Variants in SPTAN1 observed in about 807,000 individuals in gnomAD.
SPTAN1 encodes the protein spectrin alpha, non-erythrocytic 1, also known as spectrin alpha chain, non-erythrocytic 1.
In SPTAN1, 61 loss-of-function variants were observed where a neutral mutation model predicts 331.3. That is an observed-to-expected ratio of 0.18 (90% CI 0.15 to 0.23). The LOEUF (loss-of-function observed/expected upper bound fraction) is 0.23. Among genes scored for constraint, SPTAN1 ranks in the 10% least tolerant of loss-of-function variants. SPTAN1 has a pLI of 1.00. For synonymous variants in SPTAN1, 1,153 were observed against 1,173.9 expected (o/e 0.98, Z 0.36); for missense variants, 2,043 against 3,147.9 (o/e 0.65, Z 8.40).
Position 128,627,324 on chromosome 9 carries a change from G to A in SPTAN1, c.6577-62G>A. 1 of 1,441,804 alleles carries A rather than the reference G, an allele frequency of 6.9e-7. No homozygotes were observed. The highest frequency in any genetic ancestry group is 9.5e-7 in the Non-Finnish European group (1 of 1,049,022). The allele number at this position is 1,441,804 out of a possible 1,614,324, so 89.3% of individuals were successfully genotyped here. A position where few individuals can be genotyped will look rare whatever the true frequency, so the allele number is the denominator to read the frequency against. On this transcript the variant is annotated intron_variant, in intron 49 of 56. Coordinates refer to ENST00000372739, the MANE Select transcript of SPTAN1 (RefSeq NM_001130438.3). The surrounding 1 kb of genome is among the most constrained non-coding windows in gnomAD (Gnocchi z 4.9). The stretch of plus-strand genomic sequence containing the variant: ...CCACCACCACCCTGAGCCCATCTGT[G>A]AAGGAGGGGCTGGTGTCACTGCCAC...
At chr9:128,555,444 C>T (rs1378867295) in intron 1 of SPTAN1, 1 of 1,283,942 alleles carries the variant, frequency 7.8e-7, no homozygotes. Context: ...TTTGGTTTTG[C>T]CTGGCTTGCA....
In SPTAN1 at chr9:128,633,559, A is replaced by ACTT; in HGVS notation, c.*227_*229dup. The ACTT allele has an allele frequency of 9.4e-7, 1 of 1,061,832 alleles. No homozygotes were observed. The highest frequency in any genetic ancestry group is 1.5e-5 in the South Asian group (1 of 68,172). 65.8% of individuals were successfully genotyped at this position (1,061,832 alleles called of 1,614,324 possible). A position where few individuals can be genotyped will look rare whatever the true frequency, so the allele number is the denominator to read the frequency against. On this transcript the variant is annotated 3_prime_UTR_variant, in exon 57 of 57. Coordinates refer to ENST00000372739, the MANE Select transcript of SPTAN1 (RefSeq NM_001130438.3). ...TCTTGAAGCAGCTGCCCTCATTCCG[A>ACTT]CTTCAGAAAATCGAAGCAGCTGGCT...
At position 128,624,896 on chromosome 9, in the gene SPTAN1, G is replaced by A. The variant is rs1858503190; in HGVS notation, c.5993-207G>A. 10 of 636,274 alleles carry A rather than the reference G, an allele frequency of 1.6e-5. No homozygotes were observed. The East Asian group carries it at 2.8e-4, about 18-fold the overall frequency. The allele number at this position is 636,274 out of a possible 1,614,324, so 39.4% of individuals were successfully genotyped here. A position where few individuals can be genotyped will look rare whatever the true frequency, so the allele number is the denominator to read the frequency against. ...AGTAGTAATAGCAACTGAACTAGAA[G>A]ACGGGCTGCAGGGAGCTCGTCATGG... is the stretch of plus-strand genomic sequence containing the variant. On this transcript the variant is annotated intron_variant, in intron 46 of 56. Transcript: ENST00000372739.
rs1413375042 is a variant in SPTAN1, at chr9:128,577,308, T to C, written c.930+35T>C. On this transcript the variant is annotated intron_variant, in intron 7 of 56. Transcript: ENST00000372739. This position sits in a 1 kb window ranked among gnomAD's most constrained non-coding sequence, Gnocchi z 4.2. Reference sequence around the variant, plus strand: ...ACAAGCAGCTGATTCTGTAAATAAGTTACCAAGGGTCAGGAGAATAGTTCT... The same window carrying C: ...ACAAGCAGCTGATTCTGTAAATAAGCTACCAAGGGTCAGGAGAATAGTTCT... The C allele has an allele frequency of 3.2e-5, 51 of 1,614,212 alleles. No homozygotes were observed. The highest frequency in any genetic ancestry group is 4.2e-5 in the Non-Finnish European group (49 of 1,180,038).
chr9:128,573,954 C>A (rs575591355), intron 3 of SPTAN1, among the ~76,000 whole-genome samples: 1 of 152,078 alleles, frequency 6.6e-6, no homozygotes, highest in Non-Finnish European at 1.5e-5. Flanking sequence ...GGGGTTTCAC[C>A]ATGCTGGCCA....
At chr9:128,630,220 A>C (rs1191342347) in intron 51 of SPTAN1, 101 bp from the exon 52 acceptor site, 1 of 1,284,884 alleles carries the variant, frequency 7.8e-7, no homozygotes, top group Non-Finnish European at 1.1e-6. Flanking sequence ...CTTAAAAGGA[A>C]TGTGAGGTTG....
At chr9:128,622,745 A>G (rs543177130) in intron 45 of SPTAN1, among the ~76,000 whole-genome samples, 14 of 150,974 alleles carry the variant, frequency 9.3e-5, no homozygotes, top group Non-Finnish European at 1.8e-4. Context: ...TGGTTTATTT[A>G]TTTATTTATT....
rs374524469 is a variant in SPTAN1, at chr9:128,580,947, C to T, written c.1349C>T (p.Ala450Val). Residue 450 changes from alanine (A) to valine (V), a missense_variant, in exon 11 of 57, where the codon GCG (alanine) becomes GTG (valine). Ala to Val is a moderately conservative substitution (Grantham distance 64). Coordinates refer to ENST00000372739, the MANE Select transcript of SPTAN1 (RefSeq NM_001130438.3). ...CTGACCGTCCTTTCCGAGGAGAGAGCGGCGCTGCTGGAGCTGTGGGAGCTG... is the reference window on the plus strand; with the variant it reads ...CTGACCGTCCTTTCCGAGGAGAGAGTGGCGCTGCTGGAGCTGTGGGAGCTG... ...EKLTVLSEER[A>V]ALLELWELRR... The T allele has an allele frequency of 1.9e-5, 30 of 1,613,276 alleles. No individual in the cohort carries two copies. Among genetic ancestry groups the T allele is most frequent in the Non-Finnish European group, 2.5e-5 (29 of 1,180,038 alleles).
Position 128,563,007 on chromosome 9 carries a change from T to TAC in SPTAN1, c.-3-3730_-3-3729insCA, listed in dbSNP as rs1849593903. On this transcript the variant is annotated intron_variant, in intron 1 of 56. Coordinates refer to ENST00000372739, the MANE Select transcript of SPTAN1 (RefSeq NM_001130438.3). ...ACATGTATGTGTATATATATATATA[T>TAC]ATATATATATATATATATATGTATA... 3.7e-5 allele frequency among the ~76,000 whole-genome samples: 5 copies of TAC among 133,598 alleles called. No homozygotes were observed. The South Asian group carries it at 1.1e-3, about 30-fold the overall frequency. 87.6% of individuals were successfully genotyped at this position (133,598 alleles called of 152,430 possible).
At chr9:128,596,701 T>C (rs965798875) in intron 24 of SPTAN1, 1 of 152,256 alleles carries the variant, frequency 6.6e-6, no homozygotes, top group Non-Finnish European at 1.5e-5. Flanking sequence ...CGTTTTTATT[T>C]ATTTTTTAGA....
intron 53 of SPTAN1, 46 bp from the exon 54 acceptor site, chr9:128,632,385 C>A (rs753804658): frequency 6.8e-6 from 11 of 1,613,338 alleles, no homozygotes; most frequent in African/African-American, 1.3e-5. Context: ...GACACAGTCA[C>A]CTGCTGTGTG....
At chr9:128,612,939 T>A (rs1402022762) in intron 39 of SPTAN1, among the ~76,000 whole-genome samples, 1 of 152,040 alleles carries the variant, frequency 6.6e-6, no homozygotes, top group East Asian at 1.9e-4. Flanking sequence ...AAAAAAAATT[T>A]TTTTTTTTAA....
Position 128,577,009 on chromosome 9 carries a change from G to T in SPTAN1, c.785+53G>T. ...ATGGGTCTCAACCTGGAGGGGAGTT[G>T]TGAAGCACAGGGCATGTGCTGGTGA... On this transcript the variant is annotated intron_variant, in intron 6 of 56. Coordinates refer to ENST00000372739, the MANE Select transcript of SPTAN1 (RefSeq NM_001130438.3). The surrounding 1 kb of genome is among the most constrained non-coding windows in gnomAD (Gnocchi z 4.2). The T allele has an allele frequency of 6.2e-7, 1 of 1,614,020 alleles. No individual in the cohort carries two copies. Among genetic ancestry groups the T allele is most frequent in the Non-Finnish European group, 8.5e-7 (1 of 1,180,040 alleles).
In SPTAN1 at chr9:128,608,249, A is replaced by G; in HGVS notation, c.4464A>G (p.Glu1488=). Residue 1488 remains glutamate (E), a synonymous_variant, in exon 34 of 57, where the codon GAA becomes GAG. Transcript: ENST00000372739. ...DSVEALIKKH[E]DFDKAINVQE... Reference sequence around the variant, plus strand: ...TAGAGGCTCTGATCAAAAAACATGAAGACTTTGACAAAGCGATTAACGTCC... The same window carrying G: ...TAGAGGCTCTGATCAAAAAACATGAGGACTTTGACAAAGCGATTAACGTCC... The G allele has an allele frequency of 6.2e-7, 1 of 1,614,200 alleles. No homozygotes were observed. Among genetic ancestry groups the G allele is most frequent in the African/African-American group, 1.3e-5 (1 of 75,048 alleles).
chr9:128,618,775 G>A, intron 43 of SPTAN1, 96 bp from the exon 44 acceptor site: 1 of 1,592,124 alleles, frequency 6.3e-7, no homozygotes. Flanking sequence ...GAGCCACCAT[G>A]CCCAGCTTTT....
At chr9:128,612,431 G>A (rs940369754) in intron 39 of SPTAN1, among the ~76,000 whole-genome samples, 185 bp downstream of exon 39, 6 of 152,196 alleles carry the variant, frequency 3.9e-5, no homozygotes, top group African/African-American at 1.4e-4. Flanking sequence ...AATGTTAAGA[G>A]AGCTGACTTG....
intron 21 of SPTAN1, among the ~76,000 whole-genome samples, chr9:128,589,530 C>G (rs1430832481): frequency 1.3e-5 from 2 of 150,322 alleles, no homozygotes; most frequent in African/African-American, 4.9e-5. Context: ...CCCACCTCAG[C>G]CTCCCAAAGT....
At chr9:128,584,640 A>G (rs1431248048) in intron 17 of SPTAN1, 81 bp from the exon 18 acceptor site, 91 of 1,614,010 alleles carry the variant, frequency 5.6e-5, no homozygotes, top group African/African-American at 6.7e-5. Context: ...AACTGGAACC[A>G]TGGTGGTAGC....
At position 128,627,403 on chromosome 9, in the gene SPTAN1, G is replaced by C; in HGVS notation, c.6594G>C (p.Leu2198=). Residue 2198 remains leucine (L), a synonymous_variant, in exon 50 of 57, where the codon CTG becomes CTC. Transcript: ENST00000372739. The surrounding 1 kb of genome is among the most constrained non-coding windows in gnomAD (Gnocchi z 4.9). ...GCCCTCAGGAGAGGGAGCTGGAGCT[G>C]CAGAAGGAACAGCGGCGGCAGGAGG... ...QKIIKERELE[L]QKEQRRQEEN... 1.3e-6 allele frequency: 2 copies of C among 1,551,322 alleles called. No individual in the cohort carries two copies. Among genetic ancestry groups the C allele is most frequent in the Non-Finnish European group, 1.7e-6 (2 of 1,146,984 alleles).
Sources: gnomAD v4.1 joint callset for allele counts (sites outside exome capture counted in the v4.1 genomes callset) on GRCh38, gnomAD v4.1.1 for gene constraint, Gnocchi (gnomAD v3.1) non-coding constraint, MANE v1.5 for transcripts, NCBI Gene and HGNC (gene_info 2026-07-23, HGNC 2026-07-21) for gene names.